Variants in TP63 observed in about 807,000 individuals in gnomAD.
The protein encoded by TP63 is tumor protein 63.
TP63 carries 17 observed loss-of-function variants against 82.8 expected under a neutral mutation model. The observed-to-expected ratio is 0.21, with a 90% CI of 0.14 to 0.31. The LOEUF (loss-of-function observed/expected upper bound fraction) is 0.31, where lower values mean the gene tolerates loss of function less well. TP63 is among the 10% of genes least tolerant of loss of function. The pLI is 1.00. For synonymous variants in TP63, 330 were observed against 321.7 expected (o/e 1.03, Z -0.28); for missense variants, 648 against 895.3 (o/e 0.72, Z 3.52).
chr3:189,744,868 A>G (rs966593823), intron 3 of TP63, among the ~76,000 whole-genome samples: 1 of 152,206 alleles, frequency 6.6e-6, no homozygotes, highest in Non-Finnish European at 1.5e-5. Flanking sequence ...GGGTCCAAGG[A>G]CAGGCACACT....
At chr3:189,691,128 AG>A (rs1359731526) in intron 1 of TP63, among the ~76,000 whole-genome samples, 5 of 151,924 alleles carry the variant, frequency 3.3e-5, no homozygotes, top group African/African-American at 4.8e-5. Flanking sequence ...ACCTGAGATC[AG>A]GGAGTTTGAG....
rs144721819 is a variant in TP63 at position 189,877,883 on chromosome 3, T to C, written c.1349+4888T>C. On this transcript the variant is annotated intron_variant, in intron 10 of 13. Coordinates refer to ENST00000264731, the MANE Select transcript of TP63 (RefSeq NM_003722.5). ...TCTATTTCCATTTTTCTGTCTCTTT[T>C]TTGTAGGATTGTTTTAGAGATGGGG... Among the ~76,000 whole-genome samples the C allele has an allele frequency of 2.4e-4, 36 of 152,304 alleles. No individual in the cohort carries two copies. In the East Asian group the frequency reaches 6.8e-3, roughly 29 times the overall value.
intron 3 of TP63, among the ~76,000 whole-genome samples, chr3:189,807,235 A>C (rs1727011533): frequency 6.6e-6 from 1 of 152,228 alleles, no homozygotes; most frequent in Non-Finnish European, 1.5e-5. Flanking sequence ...TCAGGCTGAC[A>C]GTTTTGATGG....
chr3:189,790,381 T>C (rs1185392910), intron 3 of TP63, among the ~76,000 whole-genome samples: 1 of 152,106 alleles, frequency 6.6e-6, no homozygotes, highest in Non-Finnish European at 1.5e-5. Flanking sequence ...TGATAACGTT[T>C]CTGTCGTCTG....
chr3:189,720,693 C>T (rs1719313662), intron 1 of TP63, among the ~76,000 whole-genome samples: 1 of 141,414 alleles, frequency 7.1e-6, no homozygotes. Context: ...GAGACTATGC[C>T]ATTGCACTCC....
chr3:189,755,310 C>T (rs1014050767), intron 3 of TP63, among the ~76,000 whole-genome samples: 4 of 152,022 alleles, frequency 2.6e-5, no homozygotes, highest in African/African-American at 9.7e-5. Context: ...TCAATTTATA[C>T]ATTTCTCACA....
the TP63 span, among the ~76,000 whole-genome samples, chr3:189,614,334 C>T: frequency 6.6e-6 from 1 of 152,132 alleles, no homozygotes; most frequent in African/African-American, 2.4e-5. Context: ...CTCTTGCTGC[C>T]ACCATGTAAG....
upstream of TP63, among the ~76,000 whole-genome samples, chr3:189,626,680 C>T (rs149909114): frequency 1.7e-3 from 263 of 152,286 alleles, 6 homozygotes; most frequent in Admixed American, 0.015. Context: ...CCTCTCCTGG[C>T]CAAACATGGC....
intron 4 of TP63, among the ~76,000 whole-genome samples, chr3:189,846,401 G>A (rs989617726): frequency 2.6e-5 from 4 of 152,134 alleles, no homozygotes; most frequent in African/African-American, 9.7e-5. Context: ...GAAATATTTA[G>A]TTCATGTGGA....
rs1720706641 is a variant in TP63 at position 189,737,829 on chromosome 3, G to A, written c.152G>A (p.Ser51Asn). ...AGCACACAGACAAATGAATTCCTCA[G>A]TCCAGAGGTTTTCCAGCATATCTGG... ...SQSTQTNEFL[S>N]PEVFQHIWDF... The change falls in exon 2 of 14, where the codon AGT (serine) becomes AAT (asparagine). Residue 51 changes from serine (S) to asparagine (N), a missense_variant. This residue lies in a region of TP63 where 182 missense variants were observed against 213.6 expected (regional missense o/e 0.85). Transcript: ENST00000264731. 1.9e-6 allele frequency: 3 copies of A among 1,613,824 alleles called. No individual in the cohort carries two copies. In the African/African-American group the frequency reaches 4.0e-5, roughly 22 times the overall value.
At chr3:189,680,670 C>G (rs939228196) in intron 1 of TP63, among the ~76,000 whole-genome samples, 1 of 152,158 alleles carries the variant, frequency 6.6e-6, no homozygotes, top group Non-Finnish European at 1.5e-5. Flanking sequence ...ATTAACAGGT[C>G]CACAAGGACA....
intron 1 of TP63, among the ~76,000 whole-genome samples, chr3:189,632,430 C>T (rs1482058291): frequency 1.3e-5 from 2 of 152,218 alleles, no homozygotes; most frequent in East Asian, 1.9e-4. Flanking sequence ...ATTCTGCTCT[C>T]TCTGGGCAGG....
At chr3:189,675,386 A>T (rs1478555737) in intron 1 of TP63, among the ~76,000 whole-genome samples, 2 of 152,126 alleles carry the variant, frequency 1.3e-5, no homozygotes, top group African/African-American at 2.4e-5. Flanking sequence ...ATAGAAAAAA[A>T]TTACTGTCTA....
At chr3:189,788,259 T>C (rs931017304) in intron 3 of TP63, among the ~76,000 whole-genome samples, 1 of 151,798 alleles carries the variant, frequency 6.6e-6, no homozygotes, top group African/African-American at 2.4e-5. Context: ...ATTATGGGAG[T>C]TTTTTGGTTT....
At chr3:189,862,468 T>C (rs1421709248) in intron 4 of TP63, among the ~76,000 whole-genome samples, 1 of 152,214 alleles carries the variant, frequency 6.6e-6, no homozygotes, top group Non-Finnish European at 1.5e-5. Flanking sequence ...TAAAATGGAA[T>C]GTTTTCCTTA....
chr3:189,840,361 T>C (rs1713857780), intron 4 of TP63, among the ~76,000 whole-genome samples: 1 of 37,680 alleles, frequency 2.7e-5, no homozygotes. Flanking sequence ...CTTTTCGTCT[T>C]TTTTTTTTTT....
intron 1 of TP63, among the ~76,000 whole-genome samples, chr3:189,698,709 T>A (rs916085356): frequency 1.3e-5 from 2 of 152,198 alleles, no homozygotes; most frequent in African/African-American, 4.8e-5. Context: ...ATTTATTACA[T>A]CCTAGAACTC....
At chr3:189,753,337 T>C (rs1329233041) in intron 3 of TP63, among the ~76,000 whole-genome samples, 1 of 152,070 alleles carries the variant, frequency 6.6e-6, no homozygotes, top group African/African-American at 2.4e-5. Context: ...GTTGGGTATG[T>C]CATATTTAAG....
At chr3:189,640,901 C>CT (rs1203832892) in intron 1 of TP63, among the ~76,000 whole-genome samples, 7 of 152,072 alleles carry the variant, frequency 4.6e-5, no homozygotes, top group African/African-American at 1.7e-4. Context: ...GTAAACTAAA[C>CT]TAAGACACTG....
Sources: gnomAD v4.1 joint callset for allele counts (sites outside exome capture counted in the v4.1 genomes callset) on GRCh38, gnomAD v4.1.1 for gene constraint, gnomAD v4.1.1 regional missense constraint, MANE v1.5 for transcripts, NCBI Gene and HGNC (gene_info 2026-07-23, HGNC 2026-07-21) for gene names.